RFFL: variants seen among roughly 807,000 people sequenced by gnomAD.
RFFL encodes the protein ring finger and FYVE like domain containing E3 ubiquitin protein ligase, also known as E3 ubiquitin-protein ligase rififylin.
RFFL carries 16 observed loss-of-function variants against 40.4 expected under a neutral mutation model. The ratio of observed to expected loss-of-function variants is 0.40; its 90% confidence interval spans 0.27 to 0.60. RFFL has a LOEUF of 0.60. RFFL is among the 20% of genes least tolerant of loss of function. RFFL has a pLI of 0.47. For missense variants in RFFL, 367 were observed against 451.7 expected (o/e 0.81, Z 1.70); for synonymous variants, 154 against 167.9 (o/e 0.92, Z 0.64).
At chr17:35,077,907 C>T (rs969902318) in intron 1 of RFFL, among the ~76,000 whole-genome samples, 1 of 152,226 alleles carries the variant, frequency 6.6e-6, no homozygotes, top group Non-Finnish European at 1.5e-5. Context: ...GTCAGCCAAC[C>T]TAGCTTCTGG....
chr17:35,012,633 A>G (rs1317607919), intron 6 of RFFL, among the ~76,000 whole-genome samples: 1 of 152,182 alleles, frequency 6.6e-6, no homozygotes. Context: ...CTATAAACAT[A>G]TCCTCCATTT....
chr17:35,087,116 T>C (rs543661291), intron 1 of RFFL, among the ~76,000 whole-genome samples: 223 of 152,250 alleles, frequency 1.5e-3, no homozygotes, highest in African/African-American at 5.0e-3. Flanking sequence ...TCTCAGAACT[T>C]GGGGAAGCCA....
In RFFL at chr17:35,008,496, A is replaced by G. The variant is rs1321975344; in HGVS notation, c.*3472T>C. 2 of 151,332 alleles carry G rather than the reference A, an allele frequency of 1.3e-5. No individual in the cohort carries two copies. Among genetic ancestry groups the G allele is most frequent in the Admixed American group, 1.3e-4 (2 of 15,206 alleles). The allele number at this position is 151,332 out of a possible 1,614,324, so 9.4% of individuals were successfully genotyped here. A position where few individuals can be genotyped will look rare whatever the true frequency, so the allele number is the denominator to read the frequency against. On this transcript the variant is annotated 3_prime_UTR_variant, in exon 7 of 7. Transcript: ENST00000394597. The stretch of plus-strand genomic sequence containing the variant: ...TCACCCTGGCTGGAGTGCGGTGGCG[A>G]TCAGAGCTCACTGCAGCTTCAATCT...
intron 1 of RFFL, among the ~76,000 whole-genome samples, chr17:35,050,794 G>A (rs2142356654): frequency 6.6e-6 from 1 of 152,274 alleles, no homozygotes; most frequent in Middle Eastern, 3.4e-3. Context: ...CCAACATGTA[G>A]AAACCCTGTC....
chr17:35,012,224 G>A, intron 6 of RFFL, 75 bp from the exon 7 acceptor site: 3 of 1,313,688 alleles, frequency 2.3e-6, no homozygotes, highest in Non-Finnish European at 3.2e-6. Context: ...GGGGTGACTG[G>A]GGGAGGGAGG....
chr17:35,067,105 C>T (rs116893259), upstream of RFFL, among the ~76,000 whole-genome samples: 363 of 151,650 alleles, frequency 2.4e-3, 12 homozygotes, highest in East Asian at 0.061. Context: ...GAGGGAGGCC[C>T]CAGAAACTGA....
At chr17:35,087,275 T>TC (rs2091435913) in intron 1 of RFFL, among the ~76,000 whole-genome samples, 1 of 151,256 alleles carries the variant, frequency 6.6e-6, no homozygotes, top group Admixed American at 6.6e-5. Context: ...CACCTAAGCC[T>TC]AGGAGGTCAA....
At chr17:35,058,266 A>G (rs1373658521) in intron 1 of RFFL, among the ~76,000 whole-genome samples, 1 of 152,110 alleles carries the variant, frequency 6.6e-6, no homozygotes, top group East Asian at 1.9e-4. Context: ...GAAAGAAAGG[A>G]CATAGAGTGT....
At chr17:35,026,314 G>C in intron 2 of RFFL, 60 bp downstream of exon 2, 1 of 1,546,068 alleles carries the variant, frequency 6.5e-7, no homozygotes, top group South Asian at 1.2e-5. Context: ...AGGGGTCAGT[G>C]GCGCTTGCCC....
intron 1 of RFFL, among the ~76,000 whole-genome samples, chr17:35,032,164 G>C (rs1344356365): frequency 8.6e-5 from 13 of 151,764 alleles, no homozygotes; most frequent in Admixed American, 8.5e-4. Flanking sequence ...GCAGGGAGTA[G>C]ATGAGGGTAC....
rs1445006321 is a variant in RFFL, at chr17:35,016,424, G to A, written c.832C>T (p.Leu278=). The A allele has an allele frequency of 6.2e-7, 1 of 1,614,128 alleles. No individual in the cohort carries two copies. Among genetic ancestry groups the A allele is most frequent in the Non-Finnish European group, 8.5e-7 (1 of 1,180,006 alleles). ...TATAGCCGGGTCACTCTCTCCATCA[G>A]CTCCCACTTCTCACAGCAGCCCTTG... ...NYKGCCEKWE[L]MERVTRLYKD... The change falls in exon 5 of 7, where the codon CTG becomes TTG. Residue 278 remains leucine, a synonymous_variant. Transcript: ENST00000394597.
intron 6 of RFFL, among the ~76,000 whole-genome samples, chr17:35,013,815 G>T (rs1202188390): frequency 6.6e-6 from 1 of 152,180 alleles, no homozygotes; most frequent in Non-Finnish European, 1.5e-5. Flanking sequence ...GCACCAAGTA[G>T]ATCAGCCTGA....
chr17:35,063,369 C>G (rs559146558), intron 1 of RFFL, among the ~76,000 whole-genome samples: 1 of 134,692 alleles, frequency 7.4e-6, no homozygotes, highest in African/African-American at 2.8e-5. Context: ...GCAGGAGAAT[C>G]ACTTGAACCC....
chr17:35,032,313 T>C (rs1049031939), intron 1 of RFFL, among the ~76,000 whole-genome samples: 1 of 151,818 alleles, frequency 6.6e-6, no homozygotes, highest in African/African-American at 2.4e-5. Flanking sequence ...AAGCAGTGTG[T>C]GGGACAGATC....
At chr17:35,036,221 T>C (rs1377955017) in intron 1 of RFFL, 1 of 152,192 alleles carries the variant, frequency 6.6e-6, no homozygotes, top group Non-Finnish European at 1.5e-5. Flanking sequence ...TAAATAGATA[T>C]ACATACATGG....
At chr17:35,035,581 G>A (rs965779939) in intron 1 of RFFL, among the ~76,000 whole-genome samples, 1 of 151,498 alleles carries the variant, frequency 6.6e-6, no homozygotes, top group Non-Finnish European at 1.5e-5. Flanking sequence ...CAGTCTAACA[G>A]AACAGGTTTG....
At position 35,021,730 on chromosome 17, in the gene RFFL, C is replaced by T. The variant is rs751623621; in HGVS notation, c.232G>A (p.Val78Ile). 63 of 1,614,240 alleles carry T rather than the reference C, an allele frequency of 3.9e-5. No homozygotes were observed. Among genetic ancestry groups the T allele is most frequent in the Non-Finnish European group, 5.3e-5 (62 of 1,180,050 alleles). The part of the protein sequence containing the change: ...KNFCMTCSSQ[V>I]GNGPRLCLLC... Reference sequence around the variant, plus strand: ...AGGCAGAGGCGGGGCCCATTCCCTACTTGGCTCGAACAGGTCATGCAAAAA... The same window carrying T: ...AGGCAGAGGCGGGGCCCATTCCCTATTTGGCTCGAACAGGTCATGCAAAAA... The change falls in exon 3 of 7, where the codon GTA (valine) becomes ATA (isoleucine). Residue 78 changes from valine to isoleucine, a missense_variant. Coordinates refer to ENST00000394597, the MANE Select transcript of RFFL (RefSeq NM_001017368.2).
intron 1 of RFFL, among the ~76,000 whole-genome samples, chr17:35,059,471 T>C (rs906047604): frequency 6.6e-6 from 1 of 152,006 alleles, no homozygotes; most frequent in Non-Finnish European, 1.5e-5. Flanking sequence ...CAAAAAAAAA[T>C]ATGTCCTCCT....
At chr17:35,082,640 G>A (rs1036716250) in intron 1 of RFFL, among the ~76,000 whole-genome samples, 3 of 152,162 alleles carry the variant, frequency 2.0e-5, no homozygotes, top group Admixed American at 6.5e-5. Context: ...AGAGAAAGCT[G>A]GATTTAGAAA....
Sources: allele counts gnomAD v4.1 joint callset (sites outside exome capture counted in the v4.1 genomes callset), GRCh38; gene constraint gnomAD v4.1.1; transcripts MANE v1.5; gene names NCBI Gene and HGNC (gene_info 2026-07-23, HGNC 2026-07-21).